VPS13D: variants seen among roughly 807,000 people sequenced by gnomAD.
VPS13D encodes the protein intermembrane lipid transfer protein VPS13D.
A neutral mutation model predicts 461.9 loss-of-function variants in VPS13D; 187 were observed. That is an observed-to-expected ratio of 0.40 (90% CI 0.36 to 0.46). The LOEUF (loss-of-function observed/expected upper bound fraction) is 0.46, where lower values mean the gene tolerates loss of function less well. Among genes scored for constraint, VPS13D ranks in the 20% least tolerant of loss-of-function variants. The pLI, the probability that VPS13D is intolerant of heterozygous loss-of-function variation, is 0.60. For synonymous variants in VPS13D, 1,951 were observed against 1,986.3 expected (o/e 0.98, Z 0.47); for missense variants, 4,711 against 5,364.9 (o/e 0.88, Z 3.81).
At chr1:12,463,066 GAAA>G (rs370067896) in intron 67 of VPS13D, among the ~76,000 whole-genome samples, 1 of 144,880 alleles carries the variant, frequency 6.9e-6, no homozygotes, top group African/African-American at 2.5e-5. Context: ...AGAAAAAAAG[GAAA>G]AAAAAAAACA....
intron 13 of VPS13D, among the ~76,000 whole-genome samples, chr1:12,263,161 G>T (rs527428707): frequency 6.6e-6 from 1 of 151,810 alleles, no homozygotes; most frequent in Non-Finnish European, 1.5e-5. Context: ...TTTTTGTAAC[G>T]CACATCACAG....
chr1:12,428,062 A>G (rs1570151634), intron 65 of VPS13D, among the ~76,000 whole-genome samples: 1 of 152,260 alleles, frequency 6.6e-6, no homozygotes, highest in Admixed American at 6.5e-5. Flanking sequence ...GGAGGATGGT[A>G]GGGAGAAAAT....
chr1:12,403,931 G>A lies in VPS13D; in HGVS notation c.11988G>A (p.Lys3996=). The part of the protein sequence containing the change: ...ENLKISIPQI[K]LSVFTSNKLP... ...TCAAAATCAGCATTCCTCAGATCAA[G>A]CTAAGTGTGTTCACCTCCAACAAGC... is the stretch of plus-strand genomic sequence containing the variant. The change falls in exon 63 of 70, where the codon AAG becomes AAA. Residue 3996 remains lysine, a synonymous_variant. Transcript: ENST00000620676. The A allele has an allele frequency of 6.2e-7, 1 of 1,612,492 alleles. No homozygotes were observed. The highest frequency in any genetic ancestry group is 1.3e-5 in the African/African-American group (1 of 74,946).
chr1:12,490,121 G>T (rs910276572), intron 67 of VPS13D, among the ~76,000 whole-genome samples: 4 of 152,210 alleles, frequency 2.6e-5, no homozygotes, highest in African/African-American at 9.6e-5. Flanking sequence ...CTCTGCATAT[G>T]ATAGTTTGGG....
At chr1:12,335,117 A>C (rs1396603986) in intron 38 of VPS13D, among the ~76,000 whole-genome samples, 4 of 152,196 alleles carry the variant, frequency 2.6e-5, no homozygotes, top group Admixed American at 2.6e-4. Flanking sequence ...CAGCCTCTGG[A>C]GTGCAGTGGC....
chr1:12,344,305 C>T (rs1339715489), intron 42 of VPS13D, among the ~76,000 whole-genome samples: 2 of 152,132 alleles, frequency 1.3e-5, no homozygotes, highest in Non-Finnish European at 2.9e-5. Context: ...TGAGTGTAAA[C>T]TTGCTCCCAA....
At chr1:12,463,475 G>T (rs1165713348) in intron 67 of VPS13D, among the ~76,000 whole-genome samples, 2 of 152,192 alleles carry the variant, frequency 1.3e-5, no homozygotes, top group Non-Finnish European at 2.9e-5. Context: ...ACTTGGGCTG[G>T]GCATGGTGGC....
chr1:12,285,000 GT>G (rs1641918211), intron 21 of VPS13D, among the ~76,000 whole-genome samples: 1 of 152,164 alleles, frequency 6.6e-6, no homozygotes, highest in Admixed American at 6.5e-5. Context: ...GATGATCTGC[GT>G]CAGGAACTCT....
In VPS13D at chr1:12,378,564, C is replaced by A. The variant is rs770582821; in HGVS notation, c.11054C>A (p.Ala3685Asp). The A allele has an allele frequency of 6.2e-7, 1 of 1,600,630 alleles. No homozygotes were observed. Among genetic ancestry groups the A allele is most frequent in the Non-Finnish European group, 8.5e-7 (1 of 1,173,752 alleles). Residue 3685 changes from alanine to aspartate, a missense_variant, in exon 56 of 70, where the codon GCT becomes GAT. Coordinates refer to ENST00000620676, the MANE Select transcript of VPS13D (RefSeq NM_015378.4). ...GAGGGGTCTGCCATCTTAGATATTG[C>A]TGGTCTCGCTGCAGTGACTGACAAC... is the stretch of plus-strand genomic sequence containing the variant. ...STEGSAILDIAGLAAVTDNRY... is the reference protein window; with the variant it reads ...STEGSAILDIDGLAAVTDNRY...
At chr1:12,249,439 C>A in intron 6 of VPS13D, 100 bp downstream of exon 6, 1 of 895,546 alleles carries the variant, frequency 1.1e-6, no homozygotes, top group East Asian at 2.7e-5. Context: ...GAATCACATT[C>A]TTTTCCATTG....
At position 12,363,279 on chromosome 1, in the gene VPS13D, G is replaced by C. The variant is rs1478396236; in HGVS notation, c.10448+32G>C. ...TTGAGACTCTAAATATAGACAAAAAGGTAGCCCCTGTTTGAGATGCAGTAC... is the reference window on the plus strand; with the variant it reads ...TTGAGACTCTAAATATAGACAAAAACGTAGCCCCTGTTTGAGATGCAGTAC... On this transcript the variant is annotated intron_variant, in intron 52 of 69. Transcript: ENST00000620676. The C allele has an allele frequency of 1.9e-6, 3 of 1,606,912 alleles. 1 individual carries two copies. Among genetic ancestry groups the C allele is most frequent in the Non-Finnish European group, 1.7e-6 (2 of 1,175,524 alleles).
chr1:12,312,059 T>TA, intron 29 of VPS13D, 134 bp downstream of exon 29: 2 of 506,930 alleles, frequency 3.9e-6, no homozygotes, highest in South Asian at 4.8e-5. Flanking sequence ...GTCTTTTGGT[T>TA]GATCTACACA....
At chr1:12,351,400 C>T (rs1160492004) in intron 46 of VPS13D, among the ~76,000 whole-genome samples, 4 of 152,044 alleles carry the variant, frequency 2.6e-5, no homozygotes, top group African/African-American at 9.7e-5. Context: ...AAGCGATTCT[C>T]CTGCCTCAGC....
Position 12,276,806 on chromosome 1 carries a change from C to G in VPS13D, c.3218C>G (p.Thr1073Ser). 6.2e-7 allele frequency: 1 copy of G among 1,614,166 alleles called. No individual in the cohort carries two copies. The highest frequency in any genetic ancestry group is 1.3e-5 in the African/African-American group (1 of 75,034). The change falls in exon 19 of 70, where the codon ACC (threonine) becomes AGC (serine). Residue 1073 changes from threonine (T) to serine (S), a missense_variant. By Grantham distance (58) the Thr-to-Ser change is moderately conservative. This residue lies in a region of VPS13D where 4,411 missense variants were observed against 4,937.8 expected (regional missense o/e 0.89). Transcript: ENST00000620676. This position sits in a 1 kb window ranked among gnomAD's most constrained non-coding sequence, Gnocchi z 4.5. Reference protein sequence around the residue: ...ATSVSLDKILTKEQESLIKLE... With the variant: ...ATSVSLDKILSKEQESLIKLE... ...AGTGTTTCACTTGACAAAATTCTTA[C>G]CAAAGAGCAAGAGTCCCTTATTAAG...
rs1208657706 is a variant in VPS13D, at chr1:12,283,157, T to C, written c.5055T>C (p.Tyr1685=). 1 of 1,614,038 alleles carries C rather than the reference T, an allele frequency of 6.2e-7. No homozygotes were observed. Among genetic ancestry groups the C allele is most frequent in the East Asian group, 2.2e-5 (1 of 44,902 alleles). The change falls in exon 21 of 70, where the codon TAT becomes TAC. Residue 1685 remains tyrosine, a synonymous_variant. Coordinates refer to ENST00000620676, the MANE Select transcript of VPS13D (RefSeq NM_015378.4). ...TGGAGAAGAATCCAGATTCTAAATATAAGAACCTGATGGTGTCTCGAGGAG... is the reference window on the plus strand; with the variant it reads ...TGGAGAAGAATCCAGATTCTAAATACAAGAACCTGATGGTGTCTCGAGGAG... ...DLLEKNPDSK[Y]KNLMVSRGAP... is the part of the protein sequence containing the mutation.
chr1:12,358,989 C>G (rs540139210), intron 50 of VPS13D, among the ~76,000 whole-genome samples: 6 of 152,260 alleles, frequency 3.9e-5, no homozygotes, highest in African/African-American at 1.4e-4. Context: ...AAGCATTGTT[C>G]TCCTTGAAAC....
At chr1:12,361,371 T>TTA (rs1448353452) in intron 50 of VPS13D, among the ~76,000 whole-genome samples, 27 of 142,180 alleles carry the variant, frequency 1.9e-4, no homozygotes, top group East Asian at 2.0e-4. Flanking sequence ...TTATTTTTAT[T>TTA]TTTATTTATT....
At chr1:12,407,614 C>T (rs1025621217) in intron 63 of VPS13D, among the ~76,000 whole-genome samples, 1 of 152,114 alleles carries the variant, frequency 6.6e-6, no homozygotes, top group Non-Finnish European at 1.5e-5. Flanking sequence ...TCCAGATTAA[C>T]CTGAAGGTGG....
At position 12,509,049 on chromosome 1, in the gene VPS13D, C is replaced by T. The variant is rs772456053; in HGVS notation, c.*25C>T. ...AAGCCCCGCTGCTGAGATGGGCGCT[C>T]CCGACACAGCGCAGACCCACCAGGA... On this transcript the variant is annotated 3_prime_UTR_variant, in exon 70 of 70. Transcript: ENST00000620676. The T allele has an allele frequency of 1.9e-6, 3 of 1,612,510 alleles. No individual in the cohort carries two copies. Among genetic ancestry groups the T allele is most frequent in the South Asian group, 1.1e-5 (1 of 90,622 alleles).
Sources: gnomAD v4.1 joint callset for allele counts (sites outside exome capture counted in the v4.1 genomes callset) on GRCh38, gnomAD v4.1.1 for gene constraint, gnomAD v4.1.1 regional missense constraint, Gnocchi (gnomAD v3.1) non-coding constraint, MANE v1.5 for transcripts, NCBI Gene and HGNC (gene_info 2026-07-23, HGNC 2026-07-21) for gene names.